The following PDIA3 variants were observed in gnomAD, a reference collection of about 807,000 sequenced individuals.
PDIA3 encodes the protein protein disulfide-isomerase A3.
Under a neutral mutation model 56.9 loss-of-function variants are expected in PDIA3, and 16 were observed. The observed-to-expected ratio is 0.28, with a 90% confidence interval of 0.19 to 0.43. The LOEUF is 0.43. Among genes scored for constraint, PDIA3 ranks in the 20% least tolerant of loss-of-function variants. The pLI, the probability that PDIA3 is intolerant of heterozygous loss-of-function variation, is 1.00. For missense variants in PDIA3, 485 were observed against 621.3 expected, an observed-to-expected ratio of 0.78 and a Z score of 2.33; for synonymous variants, 192 against 216.5, an observed-to-expected ratio of 0.89 and a Z score of 0.99.
rs2086850122 is a variant in PDIA3 at position 43,766,802 on chromosome 15, T to G, written c.920T>G (p.Phe307Cys). The change falls in exon 8 of 13, where the codon TTT becomes TGT. Residue 307 changes from phenylalanine to cysteine, a missense_variant. Phe to Cys is a radical substitution (Grantham distance 205). Coordinates refer to ENST00000300289, the MANE Select transcript of PDIA3 (RefSeq NM_005313.5). ...TTTGCTGTAGCTAGCCGCAAAACCT[T>G]TAGCCATGAACTTTCTGATTTTGGC... ...LNFAVASRKT[F>C]SHELSDFGLE... 1 of 1,613,590 alleles carries G rather than the reference T, an allele frequency of 6.2e-7. No individual in the cohort carries two copies. Among genetic ancestry groups the G allele is most frequent in the Non-Finnish European group, 8.5e-7 (1 of 1,179,490 alleles).
In PDIA3 at chr15:43,773,029, A is replaced by G; in HGVS notation, c.*1811A>G. On this transcript the variant is annotated 3_prime_UTR_variant, in exon 13 of 13. Transcript: ENST00000300289. ...GGACTCCAGTGGTCAGCATAAGAAA[A>G]GCAGATAGTTGCATTCTATTTAGTT... 7.9e-7 allele frequency: 1 copy of G among 1,261,046 alleles called. No individual in the cohort carries two copies. The highest frequency in any genetic ancestry group is 1.1e-6 in the Non-Finnish European group (1 of 902,380). 78.1% of individuals were successfully genotyped at this position (1,261,046 alleles called of 1,614,324 possible).
intron 8 of PDIA3, among the ~76,000 whole-genome samples, 156 bp from the exon 9 acceptor site, chr15:43,768,332 GT>G (rs1185821304): frequency 1.3e-5 from 2 of 152,194 alleles, no homozygotes; most frequent in Non-Finnish European, 2.9e-5. Context: ...GGAACGGTTT[GT>G]TTCTTCAGTC....
At chr15:43,752,138 C>G (rs1210488530) in intron 1 of PDIA3, among the ~76,000 whole-genome samples, 1 of 152,218 alleles carries the variant, frequency 6.6e-6, no homozygotes, top group Non-Finnish European at 1.5e-5. Flanking sequence ...TTTATTATCT[C>G]ACAAAAGCCC....
intron 2 of PDIA3, among the ~76,000 whole-genome samples, chr15:43,754,840 C>T (rs1177622968): frequency 1.3e-5 from 2 of 151,560 alleles, no homozygotes; most frequent in Admixed American, 1.3e-4. Flanking sequence ...TCCATAGTCC[C>T]AGCTACTCAG....
chr15:43,748,070 G>A (rs1292429663), intron 1 of PDIA3, among the ~76,000 whole-genome samples: 1 of 152,132 alleles, frequency 6.6e-6, no homozygotes, highest in Non-Finnish European at 1.5e-5. Flanking sequence ...GTAAAAACTG[G>A]GGGTGTCACT....
intron 1 of PDIA3, among the ~76,000 whole-genome samples, chr15:43,752,168 A>T (rs974131809): frequency 6.6e-5 from 10 of 152,212 alleles, no homozygotes; most frequent in African/African-American, 2.2e-4. Context: ...CTCTGAATGC[A>T]TCATGCTTAC....
intron 1 of PDIA3, among the ~76,000 whole-genome samples, chr15:43,750,740 AC>A (rs2086738365): frequency 6.6e-6 from 1 of 150,636 alleles, no homozygotes. Context: ...ACGCCACTGC[AC>A]TCCAGCCTGG....
At chr15:43,756,544 C>A (rs1308343547) in intron 2 of PDIA3, 105 bp from the exon 3 acceptor site, 2 of 714,502 alleles carry the variant, frequency 2.8e-6, no homozygotes, top group Non-Finnish European at 5.0e-6. Context: ...GCCAAGAATT[C>A]CTTGATCCCC....
intron 1 of PDIA3, among the ~76,000 whole-genome samples, chr15:43,749,151 T>TG (rs2086727358): frequency 6.6e-6 from 1 of 151,962 alleles, no homozygotes; most frequent in African/African-American, 2.4e-5. Flanking sequence ...TGGAGTGCAG[T>TG]GGCATGGTCT....
chr15:43,750,914 C>A (rs945204800), intron 1 of PDIA3, among the ~76,000 whole-genome samples: 1 of 151,992 alleles, frequency 6.6e-6, no homozygotes, highest in Non-Finnish European at 1.5e-5. Flanking sequence ...GGGCAGATCA[C>A]GAGGTTCAGG....
intron 1 of PDIA3, chr15:43,751,884 AG>A: frequency 1.7e-6 from 1 of 589,862 alleles, no homozygotes; most frequent in Non-Finnish European, 2.6e-6. Context: ...AAATGTTTGA[AG>A]ATAGTTGAAA....
intron 3 of PDIA3, among the ~76,000 whole-genome samples, chr15:43,760,290 C>G (rs1430739081): frequency 6.6e-6 from 1 of 151,568 alleles, no homozygotes; most frequent in East Asian, 2.0e-4. Context: ...ACTCAGGAGA[C>G]TGAGGCGAGA....
At chr15:43,755,778 G>A (rs1463663995) in intron 2 of PDIA3, among the ~76,000 whole-genome samples, 1 of 152,118 alleles carries the variant, frequency 6.6e-6, no homozygotes, top group East Asian at 1.9e-4. Context: ...GCCAGGTGTG[G>A]TGGCCGGTGC....
At chr15:43,755,400 G>A (rs1596019876) in intron 2 of PDIA3, among the ~76,000 whole-genome samples, 2 of 152,150 alleles carry the variant, frequency 1.3e-5, no homozygotes, top group Admixed American at 6.6e-5. Flanking sequence ...ATGGTAATAC[G>A]AAAATGATAT....
Position 43,763,099 on chromosome 15 carries a change from T to C in PDIA3, c.495T>C (p.Ser165=). ...TAGGTTTTTTCGATGATTCATTCAGTGAGGCTCACTCCGAGTTCCTAAAAG... is the reference window on the plus strand; with the variant it reads ...TAGGTTTTTTCGATGATTCATTCAGCGAGGCTCACTCCGAGTTCCTAAAAG... ...SIVGFFDDSF[S]EAHSEFLKAA... is the part of the protein sequence containing the mutation. The change falls in exon 5 of 13, where the codon AGT becomes AGC. Residue 165 remains serine (S), a synonymous_variant. Transcript: ENST00000300289. 6.2e-7 allele frequency: 1 copy of C among 1,614,138 alleles called. No individual in the cohort carries two copies. Among genetic ancestry groups the C allele is most frequent in the Non-Finnish European group, 8.5e-7 (1 of 1,179,960 alleles).
Position 43,773,265 on chromosome 15 carries a change from C to G in PDIA3, c.*2047C>G, listed in dbSNP as rs1256958183. On this transcript the variant is annotated 3_prime_UTR_variant, in exon 13 of 13. Transcript: ENST00000300289. ...GCATCCATGTCAAAAAGTAAAAATT[C>G]TCATTCTACCTTGCTTCCGTTCCCA... 6.2e-7 allele frequency: 1 copy of G among 1,613,812 alleles called. No homozygotes were observed. The highest frequency in any genetic ancestry group is 8.5e-7 in the Non-Finnish European group (1 of 1,179,930).
intron 2 of PDIA3, among the ~76,000 whole-genome samples, chr15:43,754,362 C>G (rs569984404): frequency 6.7e-6 from 1 of 148,610 alleles, no homozygotes; most frequent in East Asian, 2.0e-4. Context: ...CCACTGCACT[C>G]CAGCCTGGTG....
chr15:43,766,695 A>G lies in PDIA3; in HGVS notation c.846-33A>G, dbSNP rs775423350. On this transcript the variant is annotated intron_variant, in intron 7 of 12. Coordinates refer to ENST00000300289, the MANE Select transcript of PDIA3 (RefSeq NM_005313.5). ...TCAAAAGTGCTTGACCACCCTGTAT[A>G]GTCTTGGCACAAATGTCTCTTGTTT... The G allele has an allele frequency of 1.7e-5, 27 of 1,595,556 alleles. 1 individual carries two copies. The South Asian group carries it at 3.0e-4, about 18-fold the overall frequency.
chr15:43,754,124 A>G (rs563162060), intron 2 of PDIA3, among the ~76,000 whole-genome samples: 1 of 152,288 alleles, frequency 6.6e-6, no homozygotes, highest in Non-Finnish European at 1.5e-5. Flanking sequence ...GGCTGGGCGC[A>G]ATGGCTCATG....
Sources: gnomAD v4.1 joint callset for allele counts (sites outside exome capture counted in the v4.1 genomes callset) on GRCh38, gnomAD v4.1.1 for gene constraint, MANE v1.5 for transcripts, NCBI Gene and HGNC (gene_info 2026-07-23, HGNC 2026-07-21) for gene names.